NUBPL: variants seen among roughly 807,000 people sequenced by gnomAD.
The protein encoded by NUBPL is iron-sulfur cluster transfer protein NUBPL.
Under a neutral mutation model 45.7 loss-of-function variants are expected in NUBPL, and 31 were observed. The ratio of observed to expected loss-of-function variants is 0.68; its 90% CI spans 0.51 to 0.92. NUBPL has a LOEUF of 0.92. NUBPL is among the 40% of genes least tolerant of loss of function. NUBPL has a pLI of 0.00. For synonymous variants in NUBPL, 144 were observed against 140.9 expected, an observed-to-expected ratio of 1.02 and a Z score of -0.15; for missense variants, 401 against 398.7, an observed-to-expected ratio of 1.01 and a Z score of -0.05.
In NUBPL at chr14:31,763,366, T is replaced by C. The variant is rs545433989; in HGVS notation, c.514-24414T>C. ...TTAAAAGAGAGAGTTCACTATCTAA[T>C]AAGAACAGAGAAGTATGGCTCTATT... On this transcript the variant is annotated intron_variant, in intron 6 of 10. Transcript: ENST00000281081. Among the ~76,000 whole-genome samples the C allele has an allele frequency of 2.0e-4, 30 of 152,328 alleles. No homozygotes were observed. In the South Asian group the frequency reaches 5.8e-3, roughly 29 times the overall value.
chr14:31,761,082 A>G (rs2038797721), intron 6 of NUBPL, among the ~76,000 whole-genome samples: 1 of 152,242 alleles, frequency 6.6e-6, no homozygotes, highest in Non-Finnish European at 1.5e-5. Context: ...CTTTGTAAGT[A>G]GTTTTAAAAG....
chr14:31,591,033 C>T (rs533418432), intron 3 of NUBPL, among the ~76,000 whole-genome samples: 18 of 152,210 alleles, frequency 1.2e-4, no homozygotes, highest in Admixed American at 6.5e-5. Context: ...TCTCCAGTTC[C>T]GGAAAGAAAA....
chr14:31,739,547 G>A (rs1827513951), intron 6 of NUBPL, among the ~76,000 whole-genome samples: 1 of 152,030 alleles, frequency 6.6e-6, no homozygotes, highest in Non-Finnish European at 1.5e-5. Flanking sequence ...CTGAGCAGAA[G>A]GTATACAGAT....
At chr14:31,627,675 A>G (rs1463040879) in intron 4 of NUBPL, among the ~76,000 whole-genome samples, 3 of 151,046 alleles carry the variant, frequency 2.0e-5, no homozygotes, top group Non-Finnish European at 4.4e-5. Context: ...CTGAGGCAGG[A>G]GAATGGCATG....
intron 7 of NUBPL, among the ~76,000 whole-genome samples, chr14:31,812,153 G>A (rs2039818849): frequency 6.6e-6 from 1 of 152,222 alleles, no homozygotes; most frequent in Admixed American, 6.5e-5. Flanking sequence ...ACCATGCTGG[G>A]AGAACCACTG....
At chr14:31,828,720 G>A (rs17463975) in intron 8 of NUBPL, among the ~76,000 whole-genome samples, 54,272 of 152,058 alleles carry the variant, frequency 0.36, 11,818 homozygotes, top group East Asian at 0.61. Flanking sequence ...TCTAATGACC[G>A]TAGTTGCCAA....
In NUBPL at chr14:31,743,857, A is replaced by G. The variant is rs914705379; in HGVS notation, c.514-43923A>G. ...TAGAAATAAGGACGAAGTATTCTGG[A>G]AAATAGAAAATGTTGTTTAGTGTTT... On this transcript the variant is annotated intron_variant, in intron 6 of 10. Coordinates refer to ENST00000281081, the MANE Select transcript of NUBPL (RefSeq NM_025152.3). Among the ~76,000 whole-genome samples the G allele has an allele frequency of 2.6e-5, 4 of 152,172 alleles. No homozygotes were observed. The South Asian group carries it at 8.3e-4, about 32-fold the overall frequency.
In NUBPL at chr14:31,755,726, G is replaced by C. The variant is rs576278123; in HGVS notation, c.514-32054G>C. 1.6e-4 allele frequency among the ~76,000 whole-genome samples: 25 copies of C among 151,946 alleles called. No homozygotes were observed. In the South Asian group the frequency reaches 4.0e-3, roughly 24 times the overall value. On this transcript the variant is annotated intron_variant, in intron 6 of 10. Coordinates refer to ENST00000281081, the MANE Select transcript of NUBPL (RefSeq NM_025152.3). ...AATTAGATCCCATTTGTCAATTTTG[G>C]CTTTTGTTGCCATTGCTTTCGGTGT...
intron 4 of NUBPL, among the ~76,000 whole-genome samples, chr14:31,671,587 A>T (rs1209295992): frequency 1.3e-5 from 2 of 152,354 alleles, no homozygotes; most frequent in African/African-American, 4.8e-5. Context: ...ATGGCCAAAA[A>T]TATTGCCAAC....
At chr14:31,842,975 T>C (rs1452978041) in intron 8 of NUBPL, among the ~76,000 whole-genome samples, 1 of 152,180 alleles carries the variant, frequency 6.6e-6, no homozygotes, top group African/African-American at 2.4e-5. Flanking sequence ...TCAGCCAAGA[T>C]GGGCTAGGTT....
chr14:31,859,437 A>C lies in NUBPL; in HGVS notation c.*257A>C, dbSNP rs1262171212. On this transcript the variant is annotated 3_prime_UTR_variant, in exon 11 of 11. Coordinates refer to ENST00000281081, the MANE Select transcript of NUBPL (RefSeq NM_025152.3). ...GAACTGCATTTTATTTTATTGAATT[A>C]CCCCTTTAGAAATCACGAGTTTATG... The C allele has an allele frequency of 6.4e-5, 31 of 483,010 alleles. No individual in the cohort carries two copies. Among genetic ancestry groups the C allele is most frequent in the Non-Finnish European group, 7.6e-6 (2 of 264,566 alleles). 29.9% of individuals were successfully genotyped at this position (483,010 alleles called of 1,614,324 possible).
In NUBPL at chr14:31,859,255, A is replaced by T. The variant is rs1427760302; in HGVS notation, c.*75A>T. 1 of 1,031,136 alleles carries T rather than the reference A, an allele frequency of 9.7e-7. No homozygotes were observed. Among genetic ancestry groups the T allele is most frequent in the African/African-American group, 1.6e-5 (1 of 63,344 alleles). The allele number at this position is 1,031,136 out of a possible 1,614,324, so 63.9% of individuals were successfully genotyped here. A position where few individuals can be genotyped will look rare whatever the true frequency, so the allele number is the denominator to read the frequency against. On this transcript the variant is annotated 3_prime_UTR_variant, in exon 11 of 11. Transcript: ENST00000281081. The stretch of plus-strand genomic sequence containing the variant: ...TTGGAAATCAGCAATGTGGTGATGG[A>T]ACCTACAGAAATAATAGAAATCATA...
At chr14:31,588,250 A>G (rs1286500157) in intron 3 of NUBPL, among the ~76,000 whole-genome samples, 1 of 152,188 alleles carries the variant, frequency 6.6e-6, no homozygotes, top group Non-Finnish European at 1.5e-5. Context: ...TAGGGTTGTC[A>G]TGAGGATTAA....
intron 4 of NUBPL, among the ~76,000 whole-genome samples, chr14:31,652,893 C>T (rs1265076797): frequency 1.3e-5 from 2 of 152,022 alleles, no homozygotes; most frequent in African/African-American, 2.4e-5. Flanking sequence ...TACGTGTCAG[C>T]CGGTCTGAGA....
chr14:31,716,912 AT>A (rs995359737), intron 6 of NUBPL, among the ~76,000 whole-genome samples: 2 of 151,962 alleles, frequency 1.3e-5, no homozygotes, highest in African/African-American at 4.8e-5. Context: ...TATGGTGTTC[AT>A]TTCTCCCATC....
At chr14:31,714,178 T>G (rs1190430447) in intron 6 of NUBPL, among the ~76,000 whole-genome samples, 1 of 152,220 alleles carries the variant, frequency 6.6e-6, no homozygotes, top group Non-Finnish European at 1.5e-5. Flanking sequence ...TTTTGCTTCC[T>G]AATAGAAAGG....
intron 8 of NUBPL, among the ~76,000 whole-genome samples, chr14:31,830,203 G>A (rs2040167387): frequency 2.6e-5 from 4 of 152,082 alleles, no homozygotes; most frequent in African/African-American, 7.2e-5. Context: ...TTCAACAAAT[G>A]TGATTAATTT....
At chr14:31,833,910 G>A (rs1032023150) in intron 8 of NUBPL, among the ~76,000 whole-genome samples, 12 of 152,146 alleles carry the variant, frequency 7.9e-5, no homozygotes, top group African/African-American at 2.4e-4. Flanking sequence ...ATATCAATTA[G>A]TTGTGTGCCA....
intron 7 of NUBPL, among the ~76,000 whole-genome samples, chr14:31,807,406 T>C (rs2039711406): frequency 6.6e-6 from 1 of 152,226 alleles, no homozygotes; most frequent in Admixed American, 6.5e-5. Context: ...GTCTGTTGGC[T>C]GCATAAATGT....
Sources: gnomAD v4.1 joint callset for allele counts (sites outside exome capture counted in the v4.1 genomes callset) on GRCh38, gnomAD v4.1.1 for gene constraint, MANE v1.5 for transcripts, NCBI Gene and HGNC (gene_info 2026-07-23, HGNC 2026-07-21) for gene names.